Variants in TEX15 observed in about 807,000 individuals in gnomAD.
The protein encoded by TEX15 is testis-expressed protein 15.
In TEX15, 171 loss-of-function variants were observed where a neutral mutation model predicts 237.3. The ratio of observed to expected loss-of-function variants is 0.72; its 90% CI spans 0.64 to 0.82. The LOEUF is 0.82. TEX15 is among the 40% of genes least tolerant of loss of function. TEX15 has a pLI of 0.00. For synonymous variants in TEX15, 1,338 were observed against 1,269.8 expected (o/e 1.05, Z -1.14); for missense variants, 3,750 against 3,646.5 (o/e 1.03, Z -0.73).
intron 1 of TEX15, among the ~76,000 whole-genome samples, chr8:30,906,594 GAAA>G (rs34052778): frequency 1.0e-5 from 1 of 96,144 alleles, no homozygotes; most frequent in Non-Finnish European, 2.5e-5. Flanking sequence ...CATCTCAAAA[GAAA>G]AAAAAAAAAA....
intron 5 of TEX15, 74 bp from the exon 6 acceptor site, chr8:30,860,131 A>T: frequency 8.0e-7 from 1 of 1,250,684 alleles, no homozygotes; most frequent in South Asian, 1.7e-5. Flanking sequence ...CATTTCAAAC[A>T]TAAAAGGCTA....
At chr8:30,838,152 G>C in intron 9 of TEX15, 91 bp from the exon 10 acceptor site, 1 of 1,161,414 alleles carries the variant, frequency 8.6e-7, no homozygotes, top group Non-Finnish European at 1.2e-6. Context: ...TTTTATCCAG[G>C]GGAAGAGTTC....
Position 30,844,738 on chromosome 8 carries a change from A to G in TEX15, c.5429T>C (p.Val1810Ala), listed in dbSNP as rs773647262. 1.4e-5 allele frequency: 23 copies of G among 1,613,030 alleles called. No individual in the cohort carries two copies. In the African/African-American group the frequency reaches 2.7e-4, roughly 19 times the overall value. Residue 1810 changes from valine (V) to alanine (A), a missense_variant, in exon 8 of 11, where the codon GTG becomes GCG. Transcript: ENST00000643185. ...EEDKSYGENI[V>A]ELSSSDSSLL... ...AGAACTATCACTGGAAGATAATTCC[A>G]CTATATTTTCCCCATAACTTTTATC...
rs1387418988 is a variant in TEX15 at position 30,858,828 on chromosome 8, C to T, written c.690G>A (p.Val230=). 14 of 1,523,168 alleles carry T rather than the reference C, an allele frequency of 9.2e-6. No homozygotes were observed. The highest frequency in any genetic ancestry group is 1.2e-5 in the South Asian group (1 of 81,304). 94.4% of individuals were successfully genotyped at this position (1,523,168 alleles called of 1,614,324 possible). A position where few individuals can be genotyped will look rare whatever the true frequency, so the allele number is the denominator to read the frequency against. The change falls in exon 7 of 11, where the codon GTG becomes GTA. Residue 230 remains valine, a splice_region_variant and synonymous_variant. Transcript: ENST00000643185. ...AAAGGACACTGTATTCATAGAAGTA[C>T]ACCTGAAAGATGAAAACAGGTTCAT... ...TIELQAYSSA[V]YFYEYSVLSK...
At chr8:30,858,568 GA>G in intron 7 of TEX15, 99 bp downstream of exon 7, 2 of 1,065,900 alleles carry the variant, frequency 1.9e-6, no homozygotes, top group Non-Finnish European at 2.6e-6. Flanking sequence ...AAAGTGCTAG[GA>G]TTACAGGTGT....
intron 4 of TEX15, among the ~76,000 whole-genome samples, chr8:30,869,702 T>C (rs1808249141): frequency 6.6e-6 from 1 of 151,994 alleles, no homozygotes; most frequent in Non-Finnish European, 1.5e-5. Context: ...GGGAGACAGA[T>C]TTGAGCTTGA....
At chr8:30,886,121 G>A (rs955973124) in intron 3 of TEX15, among the ~76,000 whole-genome samples, 2 of 152,158 alleles carry the variant, frequency 1.3e-5, no homozygotes, top group African/African-American at 2.4e-5. Flanking sequence ...GTGTTAAGAT[G>A]AGCGATTTTT....
At position 30,843,268 on chromosome 8, in the gene TEX15, AG is replaced by A. The variant is rs1807506579; in HGVS notation, c.6898del (p.Leu2300TyrfsTer4). On this transcript the variant is annotated frameshift_variant, in exon 8 of 11. Coordinates refer to ENST00000643185, the MANE Select transcript of TEX15 (RefSeq NM_001350162.2). LOFTEE classifies it high-confidence loss of function. ...AAAGGCACATTTATTCACTCTGAGT[AG>A]CCTTTCTTCGTCCTTCTTTTGTGAG... is the stretch of plus-strand genomic sequence containing the variant. ...KYSQKKDEER[L>X]LRVNKCAFSK... 1.9e-6 allele frequency: 3 copies of A among 1,612,542 alleles called. No homozygotes were observed. Among genetic ancestry groups the A allele is most frequent in the Non-Finnish European group, 2.5e-6 (3 of 1,179,444 alleles).
intron 5 of TEX15, among the ~76,000 whole-genome samples, chr8:30,861,289 T>A (rs926536936): frequency 6.6e-6 from 1 of 152,116 alleles, no homozygotes; most frequent in Non-Finnish European, 1.5e-5. Flanking sequence ...AATCTCAAAG[T>A]GACAACTGTT....
Position 30,833,280 on chromosome 8 carries a change from C to CT in TEX15, c.*5dup. The stretch of plus-strand genomic sequence containing the variant: ...ATGTCTTATTTCAATAGACAGAAGA[C>CT]TATTTTCAGTGTCCTGGATGAAAGG... On this transcript the variant is annotated 3_prime_UTR_variant, in exon 11 of 11. Coordinates refer to ENST00000643185, the MANE Select transcript of TEX15 (RefSeq NM_001350162.2). 6.3e-7 allele frequency: 1 copy of CT among 1,580,782 alleles called. No individual in the cohort carries two copies. The highest frequency in any genetic ancestry group is 8.6e-7 in the Non-Finnish European group (1 of 1,163,606).
At position 30,842,618 on chromosome 8, in the gene TEX15, C is replaced by T. The variant is rs761927121; in HGVS notation, c.7549G>A (p.Glu2517Lys). The T allele has an allele frequency of 6.2e-6, 10 of 1,611,204 alleles. No homozygotes were observed. Among genetic ancestry groups the T allele is most frequent in the African/African-American group, 2.7e-5 (2 of 74,870 alleles). Residue 2517 changes from glutamate (E) to lysine (K), a missense_variant, in exon 8 of 11, where the codon GAA becomes AAA. By Grantham distance (56) the Glu-to-Lys change is moderately conservative. Coordinates refer to ENST00000643185, the MANE Select transcript of TEX15 (RefSeq NM_001350162.2). ...LWKVIETAVS[E>K]LKKDLDIICK... is the part of the protein sequence containing the mutation. Reference sequence around the variant, plus strand: ...ATAATATCCAGATCTTTCTTAAGTTCGGAAACAGCAGTCTCTATCACTTTC... The same window carrying T: ...ATAATATCCAGATCTTTCTTAAGTTTGGAAACAGCAGTCTCTATCACTTTC...
In TEX15 at chr8:30,849,074, AAC is replaced by A; in HGVS notation, c.1091_1092del (p.Ser364IlefsTer5). 6.2e-7 allele frequency: 1 copy of A among 1,613,832 alleles called. No individual in the cohort carries two copies. Among genetic ancestry groups the A allele is most frequent in the Non-Finnish European group, 8.5e-7 (1 of 1,179,938 alleles). ...PETYSGQTEH[S>X]LAEIRDTSQV... ...TGAGAAGTGTCTCTAATTTCTGCTA[AAC>A]TGTGCTCTGTCTGTCCACTGTATGT... is the stretch of plus-strand genomic sequence containing the variant. On this transcript the variant is annotated frameshift_variant, in exon 8 of 11. Transcript: ENST00000643185. LOFTEE classifies it high-confidence loss of function.
chr8:30,858,333 G>C (rs1342387133), intron 7 of TEX15, among the ~76,000 whole-genome samples: 2 of 143,668 alleles, frequency 1.4e-5, no homozygotes, highest in African/African-American at 5.2e-5. Context: ...TTTTGTTTGT[G>C]ACAAGGTCTC....
Position 30,844,049 on chromosome 8 carries a change from A to G in TEX15, c.6118T>C (p.Cys2040Arg), listed in dbSNP as rs752501149. 1 of 1,611,692 alleles carries G rather than the reference A, an allele frequency of 6.2e-7. No homozygotes were observed. The highest frequency in any genetic ancestry group is 2.2e-5 in the East Asian group (1 of 44,862). The change falls in exon 8 of 11, where the codon TGT becomes CGT. Residue 2040 changes from cysteine (C) to arginine (R), a missense_variant. Transcript: ENST00000643185. Reference sequence around the variant, plus strand: ...GAAATCAGGATTTGTTCAACTGAACATTCTTGCTTTCTTTCAAAAGCTTCC... The same window carrying G: ...GAAATCAGGATTTGTTCAACTGAACGTTCTTGCTTTCTTTCAAAAGCTTCC... ...FVEAFERKQE[C>R]SVEQILISRE...
intron 10 of TEX15, among the ~76,000 whole-genome samples, chr8:30,834,972 C>G (rs1807259579): frequency 6.6e-6 from 1 of 152,040 alleles, no homozygotes. Flanking sequence ...GGCTTAGAAA[C>G]TTTTTAAAAG....
intron 2 of TEX15, among the ~76,000 whole-genome samples, chr8:30,896,327 C>T (rs771399097): frequency 5.9e-5 from 9 of 152,074 alleles, no homozygotes; most frequent in South Asian, 4.2e-4. Flanking sequence ...GTTATTAGGA[C>T]GTAGGCCATT....
At chr8:30,910,778 A>G (rs1002042436) in intron 1 of TEX15, among the ~76,000 whole-genome samples, 2 of 151,746 alleles carry the variant, frequency 1.3e-5, no homozygotes, top group African/African-American at 2.4e-5. Context: ...GAAAACATAC[A>G]TGGGTTTTGA....
At chr8:30,898,708 A>C (rs941512116) in intron 2 of TEX15, 34 bp downstream of exon 2, 2 of 152,234 alleles carry the variant, frequency 1.3e-5, no homozygotes, top group Admixed American at 6.5e-5. Flanking sequence ...GGTATAAATA[A>C]AGCAGTAACA....
At chr8:30,868,010 C>T (rs1198273728) in intron 4 of TEX15, among the ~76,000 whole-genome samples, 1 of 151,924 alleles carries the variant, frequency 6.6e-6, no homozygotes, top group African/African-American at 2.4e-5. Context: ...ATTTTCTAAA[C>T]AAAGTATCTT....
Sources: gnomAD v4.1 joint callset for allele counts (sites outside exome capture counted in the v4.1 genomes callset) on GRCh38, gnomAD v4.1.1 for gene constraint, MANE v1.5 for transcripts, NCBI Gene and HGNC (gene_info 2026-07-23, HGNC 2026-07-21) for gene names.